Variants in SEZ6L observed in about 807,000 individuals in gnomAD.
SEZ6L encodes seizure 6-like protein.
SEZ6L carries 37 observed loss-of-function variants against 106.2 expected under a neutral mutation model. The observed-to-expected ratio is 0.35, with a 90% CI of 0.27 to 0.46. SEZ6L has a LOEUF of 0.46. Ranked by LOEUF, SEZ6L falls within the 20% of genes least tolerant of loss-of-function variation. The probability of loss-of-function intolerance (pLI) is 1.00; values close to 1 mark genes in which losing one functional copy is unlikely to be tolerated. For synonymous variants in SEZ6L, 541 were observed against 570.4 expected (o/e 0.95, Z 0.73); for missense variants, 1,172 against 1,332.8 (o/e 0.88, Z 1.88).
rs1401696848 is a variant in SEZ6L, at chr22:26,369,394, C to T, written c.2794+3828C>T. 9.9e-5 allele frequency among the ~76,000 whole-genome samples: 13 copies of T among 131,048 alleles called. No individual in the cohort carries two copies. In the Admixed American group the frequency reaches 1.1e-3, roughly 12 times the overall value. The allele number at this position is 131,048 out of a possible 152,430, so 86.0% of individuals were successfully genotyped here. A position where few individuals can be genotyped will look rare whatever the true frequency, so the allele number is the denominator to read the frequency against. On this transcript the variant is annotated intron_variant, in intron 13 of 16. Transcript: ENST00000248933. ...TCGCTCTGTCCCCCAGGCTGGAGTG[C>T]AGTGGCTGGATCTCGGCTCACTGCA... is the stretch of plus-strand genomic sequence containing the variant.
Position 26,292,593 on chromosome 22 carries a change from C to G in SEZ6L, c.282C>G (p.His94Gln), listed in dbSNP as rs372902970. 3.1e-6 allele frequency: 5 copies of G among 1,613,456 alleles called. No individual in the cohort carries two copies. The African/African-American group carries it at 4.0e-5, about 13-fold the overall frequency. Residue 94 changes from histidine to glutamine, a missense_variant, in exon 2 of 17, where the codon CAC (histidine) becomes CAG (glutamine). This residue lies in a region of SEZ6L where 494 missense variants were observed against 445.8 expected (regional missense o/e 1.11). Coordinates refer to ENST00000248933, the MANE Select transcript of SEZ6L (RefSeq NM_021115.5). Reference protein sequence around the residue: ...VLDGTAPSAHHDIPALSPLLP... With the variant: ...VLDGTAPSAHQDIPALSPLLP... ...ATGGGACCGCACCCTCTGCACATCACGACATCCCAGCCCTGTCACCGCTGC... is the reference window on the plus strand; with the variant it reads ...ATGGGACCGCACCCTCTGCACATCAGGACATCCCAGCCCTGTCACCGCTGC...
intron 1 of SEZ6L, among the ~76,000 whole-genome samples, chr22:26,203,063 G>A (rs1408725079): frequency 6.6e-6 from 1 of 152,226 alleles, no homozygotes; most frequent in Non-Finnish European, 1.5e-5. Flanking sequence ...TTGGTGAGAA[G>A]CAGCTCCACT....
chr22:26,304,972 A>G (rs1193101819), intron 5 of SEZ6L, among the ~76,000 whole-genome samples: 3 of 152,240 alleles, frequency 2.0e-5, no homozygotes, highest in African/African-American at 7.2e-5. Flanking sequence ...GGTATAGCCT[A>G]CTACATACCC....
At position 26,188,074 on chromosome 22, in the gene SEZ6L, G is replaced by T. The variant is rs530645597; in HGVS notation, c.94+18311G>T. 4.6e-5 allele frequency among the ~76,000 whole-genome samples: 7 copies of T among 152,216 alleles called. No individual in the cohort carries two copies. The East Asian group carries it at 1.4e-3, about 29-fold the overall frequency. ...AATGTATCATGTAGAGAAGAGAGTT[G>T]ACCCATAACTGAGAACTGGGACCCT... is the stretch of plus-strand genomic sequence containing the variant. On this transcript the variant is annotated intron_variant, in intron 1 of 16. Transcript: ENST00000248933.
chr22:26,192,394 G>A (rs1050412736), intron 1 of SEZ6L, among the ~76,000 whole-genome samples: 1 of 151,940 alleles, frequency 6.6e-6, no homozygotes, highest in Non-Finnish European at 1.5e-5. Context: ...AAGTATTAAA[G>A]TTATGTTTTT....
At chr22:26,225,240 A>G (rs545112493) in intron 1 of SEZ6L, among the ~76,000 whole-genome samples, 1 of 152,320 alleles carries the variant, frequency 6.6e-6, no homozygotes, top group East Asian at 1.9e-4. Flanking sequence ...TTGTCACACC[A>G]AACACAGGAC....
intron 9 of SEZ6L, among the ~76,000 whole-genome samples, chr22:26,334,008 G>A (rs982473770): frequency 7.9e-5 from 12 of 152,046 alleles, no homozygotes; most frequent in African/African-American, 2.9e-4. Context: ...CAGAAATGAG[G>A]CGGCAGGGAC....
At chr22:26,188,745 C>A (rs189426728) in intron 1 of SEZ6L, among the ~76,000 whole-genome samples, 2 of 152,176 alleles carry the variant, frequency 1.3e-5, no homozygotes, top group Non-Finnish European at 2.9e-5. Flanking sequence ...TCAGGTTCAA[C>A]AGAAAAGCCA....
intron 1 of SEZ6L, among the ~76,000 whole-genome samples, chr22:26,216,613 G>A (rs535161604): frequency 6.6e-6 from 1 of 152,136 alleles, no homozygotes; most frequent in Non-Finnish European, 1.5e-5. Flanking sequence ...CCGAGATTGC[G>A]CCATTGCACT....
intron 1 of SEZ6L, among the ~76,000 whole-genome samples, chr22:26,228,768 A>C (rs2078709992): frequency 6.6e-6 from 1 of 152,192 alleles, no homozygotes; most frequent in Non-Finnish European, 1.5e-5. Context: ...ATTGAGGCTC[A>C]GAGAGGAAAA....
intron 11 of SEZ6L, among the ~76,000 whole-genome samples, chr22:26,348,485 C>A (rs1249354432): frequency 8.4e-6 from 1 of 119,122 alleles, no homozygotes; most frequent in Non-Finnish European, 1.6e-5. Flanking sequence ...AGAGCAAAAC[C>A]CTGTTGAGAG....
chr22:26,267,127 C>T (rs2080217140), intron 1 of SEZ6L, among the ~76,000 whole-genome samples: 1 of 152,156 alleles, frequency 6.6e-6, no homozygotes, highest in Non-Finnish European at 1.5e-5. Context: ...CTTGCATCTG[C>T]TCATTTAATT....
intron 12 of SEZ6L, among the ~76,000 whole-genome samples, chr22:26,352,189 A>G (rs2083303937): frequency 6.6e-6 from 1 of 151,228 alleles, no homozygotes; most frequent in East Asian, 1.9e-4. Flanking sequence ...ATACTACTTC[A>G]AGGCTCTCTA....
At chr22:26,362,123 A>T (rs991549685) in intron 12 of SEZ6L, among the ~76,000 whole-genome samples, 1 of 152,208 alleles carries the variant, frequency 6.6e-6, no homozygotes, top group Admixed American at 6.5e-5. Context: ...AGGGTGAATG[A>T]TTCCTTGCCA....
intron 1 of SEZ6L, among the ~76,000 whole-genome samples, chr22:26,183,875 G>A (rs1939579535): frequency 6.6e-6 from 1 of 152,142 alleles, no homozygotes; most frequent in Admixed American, 6.5e-5. Context: ...TTTGGGTCCT[G>A]GGGTAGTTTT....
intron 1 of SEZ6L, among the ~76,000 whole-genome samples, chr22:26,223,039 A>G (rs574025066): frequency 1.9e-4 from 29 of 152,198 alleles, no homozygotes; most frequent in African/African-American, 7.0e-4. Context: ...TAGGTTGAGA[A>G]TTCCTGATCT....
chr22:26,200,851 C>T (rs752853773), intron 1 of SEZ6L, among the ~76,000 whole-genome samples: 3 of 152,120 alleles, frequency 2.0e-5, no homozygotes, highest in East Asian at 1.9e-4. Context: ...GCTTGAACCA[C>T]GTGGATGACT....
rs748037983 is a variant in SEZ6L at position 26,381,330 on chromosome 22, A to G, written c.*1035A>G. On this transcript the variant is annotated 3_prime_UTR_variant, in exon 17 of 17. Transcript: ENST00000248933. Reference sequence around the variant, plus strand: ...CTCAAAATAGAGGAGACTCAAGTGCACTGATTCTCTAAAAGGTGTCATCTT... The same window carrying G: ...CTCAAAATAGAGGAGACTCAAGTGCGCTGATTCTCTAAAAGGTGTCATCTT... The G allele has an allele frequency of 4.6e-5, 7 of 152,206 alleles. No individual in the cohort carries two copies. Among genetic ancestry groups the G allele is most frequent in the Non-Finnish European group, 7.3e-5 (5 of 68,044 alleles). 9.4% of individuals were successfully genotyped at this position (152,206 alleles called of 1,614,324 possible).
chr22:26,270,486 G>A (rs994157296), intron 1 of SEZ6L, among the ~76,000 whole-genome samples: 8 of 151,936 alleles, frequency 5.3e-5, no homozygotes, highest in Admixed American at 5.2e-4. Flanking sequence ...GTGTGTGTGT[G>A]TGTGTGTGTG....
Sources: gnomAD v4.1 joint callset for allele counts (sites outside exome capture counted in the v4.1 genomes callset) on GRCh38, gnomAD v4.1.1 for gene constraint, gnomAD v4.1.1 regional missense constraint, MANE v1.5 for transcripts, NCBI Gene and HGNC (gene_info 2026-07-23, HGNC 2026-07-21) for gene names.